MYRIP: variants seen among roughly 807,000 people sequenced by gnomAD.
The protein encoded by MYRIP is myosin VIIA and Rab interacting protein, also known as rab effector MyRIP.
A neutral mutation model predicts 98.0 loss-of-function variants in MYRIP; 49 were observed. The ratio of observed to expected loss-of-function variants is 0.50; its 90% CI spans 0.40 to 0.63. The LOEUF (loss-of-function observed/expected upper bound fraction) is 0.63. Among genes scored for constraint, MYRIP ranks in the 30% least tolerant of loss-of-function variants. The pLI is 0.00. For synonymous variants in MYRIP, 404 were observed against 409.5 expected, an observed-to-expected ratio of 0.99 and a Z score of 0.16; for missense variants, 1,004 against 1,058.2, an observed-to-expected ratio of 0.95 and a Z score of 0.71.
intron 12 of MYRIP, among the ~76,000 whole-genome samples, chr3:40,234,437 C>T (rs1952764088): frequency 6.6e-6 from 1 of 152,330 alleles, no homozygotes; most frequent in Admixed American, 6.5e-5. Context: ...CTGGCCCGTC[C>T]TACAACCAGC....
chr3:40,015,179 A>G (rs1280646210), intron 2 of MYRIP, among the ~76,000 whole-genome samples: 2 of 152,202 alleles, frequency 1.3e-5, no homozygotes, highest in Admixed American at 6.5e-5. Context: ...TTCCTCATAG[A>G]ACAGTGCTGT....
At chr3:40,047,315 C>T (rs75038749) in intron 3 of MYRIP, among the ~76,000 whole-genome samples, 12,387 of 152,222 alleles carry the variant, frequency 0.081, 582 homozygotes, top group East Asian at 0.22. Context: ...GCATCATGTT[C>T]GTGTTAATAT....
At chr3:39,902,705 G>A (rs555490436) in intron 2 of MYRIP, among the ~76,000 whole-genome samples, 1 of 152,314 alleles carries the variant, frequency 6.6e-6, no homozygotes. Context: ...ATATGGATAA[G>A]CCAAGACCTT....
At position 40,212,223 on chromosome 3, in the gene MYRIP, TATACACAC is replaced by T. The variant is rs369239809; in HGVS notation, c.1905+2132_1905+2139del. ...ATATATACGTGTGTGTATATATATA[TATACACAC>T]ACACACACACACACATATATATATA... On this transcript the variant is annotated intron_variant, in intron 11 of 16. Transcript: ENST00000302541. Among the ~76,000 whole-genome samples the T allele has an allele frequency of 1.4e-4, 11 of 77,592 alleles. 2 individuals are homozygous for T. Among genetic ancestry groups the T allele is most frequent in the African/African-American group, 3.5e-4 (10 of 28,846 alleles). 50.9% of individuals were successfully genotyped at this position (77,592 alleles called of 152,430 possible). A position where few individuals can be genotyped will look rare whatever the true frequency, so the allele number is the denominator to read the frequency against.
chr3:39,970,536 A>G (rs1945554724), intron 2 of MYRIP, among the ~76,000 whole-genome samples: 1 of 152,130 alleles, frequency 6.6e-6, no homozygotes, highest in South Asian at 2.1e-4. Context: ...TAGTGATCAT[A>G]CATTTCTACT....
rs765510793 is a variant in MYRIP, at chr3:40,190,331, C to T, written c.1533C>T (p.Ser511=). The T allele has an allele frequency of 1.1e-5, 18 of 1,613,762 alleles. 1 individual carries two copies. Among genetic ancestry groups the T allele is most frequent in the South Asian group, 7.7e-5 (7 of 91,080 alleles). The change falls in exon 10 of 17, where the codon AGC becomes AGT. Residue 511 remains serine, a synonymous_variant. Transcript: ENST00000302541. ...QLASRETSDS[S]EPEEAPHTTD... is the part of the protein sequence containing the mutation. ...CCAGCAGGGAGACCTCGGACAGCAG[C>T]GAGCCGGAGGAGGCCCCCCACACCA... is the stretch of plus-strand genomic sequence containing the variant.
chr3:40,227,186 A>G (rs929422192), intron 11 of MYRIP, among the ~76,000 whole-genome samples: 1 of 152,100 alleles, frequency 6.6e-6, no homozygotes, highest in Non-Finnish European at 1.5e-5. Flanking sequence ...CTTGGCATAG[A>G]GTGGATGCTT....
chr3:39,897,236 A>G (rs1051845031), intron 1 of MYRIP, among the ~76,000 whole-genome samples: 3 of 152,212 alleles, frequency 2.0e-5, no homozygotes, highest in African/African-American at 4.8e-5. Flanking sequence ...AGAGTTAAGC[A>G]AAGGCAAATT....
chr3:39,936,208 G>T (rs6765715), intron 2 of MYRIP, among the ~76,000 whole-genome samples: 31,500 of 151,966 alleles, frequency 0.21, 4,996 homozygotes, highest in African/African-American at 0.45. Context: ...AGTATACAGA[G>T]TGTTGGAAGT....
intron 2 of MYRIP, among the ~76,000 whole-genome samples, chr3:39,955,506 A>C (rs892283523): frequency 9.9e-5 from 15 of 152,104 alleles, no homozygotes; most frequent in Admixed American, 9.2e-4. Context: ...CAGGCCTGCC[A>C]TACAAGAGCT....
intron 2 of MYRIP, among the ~76,000 whole-genome samples, chr3:39,939,986 C>A (rs1575397882): frequency 6.6e-6 from 1 of 151,546 alleles, no homozygotes; most frequent in African/African-American, 2.4e-5. Context: ...ATCTGTTTAT[C>A]CTAATTCTTA....
At chr3:39,994,252 C>T (rs533391918) in intron 2 of MYRIP, among the ~76,000 whole-genome samples, 20 of 152,342 alleles carry the variant, frequency 1.3e-4, no homozygotes, top group African/African-American at 3.4e-4. Context: ...TCGCCTCATC[C>T]GGGAAGTGCA....
At chr3:39,857,261 G>GGAAGGAAGGAAGGAAGGAA (rs1942330590) in intron 1 of MYRIP, among the ~76,000 whole-genome samples, 1 of 150,986 alleles carries the variant, frequency 6.6e-6, no homozygotes, top group African/African-American at 2.4e-5. Context: ...GAGGGAGGAA[G>GGAAGGAAGGAAGGAAGGAA]GAAGGAAGGA....
chr3:40,212,190 ATATACATATATATACGTGTGTG>A (rs1951966162), intron 11 of MYRIP, among the ~76,000 whole-genome samples: 1 of 58,490 alleles, frequency 1.7e-5, no homozygotes, highest in Non-Finnish European at 4.4e-5. Flanking sequence ...GTGTATGTGT[ATATACATATATATACGTGTGTG>A]TATATATATA....
At chr3:39,960,364 A>C (rs1377197492) in intron 2 of MYRIP, among the ~76,000 whole-genome samples, 1 of 152,182 alleles carries the variant, frequency 6.6e-6, no homozygotes, top group Non-Finnish European at 1.5e-5. Context: ...TGTAAAAAAC[A>C]CATGAGTCCT....
intron 2 of MYRIP, among the ~76,000 whole-genome samples, chr3:39,969,598 A>C (rs898829881): frequency 6.6e-6 from 1 of 151,946 alleles, no homozygotes; most frequent in Non-Finnish European, 1.5e-5. Context: ...TTTTGTCCTT[A>C]GTTCTGTTTA....
chr3:40,113,699 T>C (rs1392428726), intron 3 of MYRIP, among the ~76,000 whole-genome samples: 1 of 152,168 alleles, frequency 6.6e-6, no homozygotes, highest in African/African-American at 2.4e-5. Flanking sequence ...TTTGTTTTTT[T>C]GTTTTTTTGA....
chr3:40,095,290 G>A (rs1948804989), intron 3 of MYRIP, among the ~76,000 whole-genome samples: 1 of 152,096 alleles, frequency 6.6e-6, no homozygotes, highest in Admixed American at 6.5e-5. Flanking sequence ...TCAGGCCTGG[G>A]GCTATAAACA....
chr3:40,084,069 G>A (rs143059244), intron 3 of MYRIP, among the ~76,000 whole-genome samples: 2,274 of 140,486 alleles, frequency 0.016, 49 homozygotes, highest in African/African-American at 0.055. Flanking sequence ...CCCGGGAGGC[G>A]GAACTTGCAG....
Sources: gnomAD v4.1 joint callset for allele counts (sites outside exome capture counted in the v4.1 genomes callset) on GRCh38, gnomAD v4.1.1 for gene constraint, MANE v1.5 for transcripts, NCBI Gene and HGNC (gene_info 2026-07-23, HGNC 2026-07-21) for gene names.